The following CIMIP5 variants were observed in gnomAD, a reference collection of about 807,000 sequenced individuals.
CIMIP5 encodes uncharacterized protein C2orf50.
the CIMIP5 span, among the ~76,000 whole-genome samples, chr2:11,137,293 G>A: frequency 1.3e-5 from 2 of 152,198 alleles, no homozygotes; most frequent in East Asian, 3.9e-4. Flanking sequence ...AGAATTGCTT[G>A]AACCCGGCAG....
the CIMIP5 span, chr2:11,144,244 C>G: frequency 1.5e-6 from 1 of 670,528 alleles, no homozygotes; most frequent in East Asian, 3.2e-5. Context: ...GCAGGACACT[C>G]TTCCAGGGGA....
chr2:11,134,288 GA>G, the CIMIP5 span, among the ~76,000 whole-genome samples: 3 of 152,230 alleles, frequency 2.0e-5, no homozygotes, highest in Non-Finnish European at 4.4e-5. Context: ...GCCACAGGAT[GA>G]GGGGGAGCAG....
At chr2:11,135,472 C>T in the CIMIP5 span, among the ~76,000 whole-genome samples, 1 of 152,086 alleles carries the variant, frequency 6.6e-6, no homozygotes, top group East Asian at 1.9e-4. Flanking sequence ...ACACTGTCAC[C>T]CAGGCTGGAG....
At chr2:11,144,326 C>T in the CIMIP5 span, 1 of 365,868 alleles carries the variant, frequency 2.7e-6, no homozygotes, top group Non-Finnish European at 4.9e-6. Context: ...CACGGCCGTA[C>T]AATCCCCAGC....
At chr2:11,142,767 T>A in the CIMIP5 span, among the ~76,000 whole-genome samples, 1 of 146,070 alleles carries the variant, frequency 6.8e-6, no homozygotes, top group South Asian at 2.2e-4. Flanking sequence ...TTGCCCAGGC[T>A]GGAGTGAAGT....
chr2:11,152,739 G>A, the CIMIP5 span, among the ~76,000 whole-genome samples: 1 of 152,054 alleles, frequency 6.6e-6, no homozygotes, highest in African/African-American at 2.4e-5. Flanking sequence ...TGAAGGGACA[G>A]AGGAGCCTCG....
chr2:11,147,481 C>T, the CIMIP5 span, among the ~76,000 whole-genome samples: 1 of 152,168 alleles, frequency 6.6e-6, no homozygotes, highest in Non-Finnish European at 1.5e-5. Flanking sequence ...CAAAACACCC[C>T]CTTCCTTGCT....
the CIMIP5 span, among the ~76,000 whole-genome samples, chr2:11,141,066 T>C: frequency 6.6e-6 from 1 of 151,098 alleles, no homozygotes; most frequent in Non-Finnish European, 1.5e-5. Flanking sequence ...TCCTGTGATC[T>C]AAACCATCTA....
At chr2:11,135,823 G>T in the CIMIP5 span, among the ~76,000 whole-genome samples, 1 of 152,076 alleles carries the variant, frequency 6.6e-6, no homozygotes, top group African/African-American at 2.4e-5. Context: ...GACTACAGGT[G>T]TGAGCCACCG....
At chr2:11,142,813 G>C in the CIMIP5 span, among the ~76,000 whole-genome samples, 1 of 147,406 alleles carries the variant, frequency 6.8e-6, no homozygotes, top group Non-Finnish European at 1.5e-5. Flanking sequence ...TCAACCTCCT[G>C]GGCTCTAGTG....
chr2:11,135,240 C>T, the CIMIP5 span, among the ~76,000 whole-genome samples: 224 of 152,284 alleles, frequency 1.5e-3, no homozygotes, highest in Admixed American at 3.5e-3. Flanking sequence ...CAGGATTATA[C>T]GGTACCTCTA....
the CIMIP5 span, among the ~76,000 whole-genome samples, chr2:11,136,703 G>C: frequency 6.6e-6 from 1 of 152,124 alleles, no homozygotes; most frequent in South Asian, 2.1e-4. Context: ...GCCCAACTCC[G>C]TGAATATATT....
chr2:11,149,251 G>A, the CIMIP5 span, among the ~76,000 whole-genome samples: 1 of 151,150 alleles, frequency 6.6e-6, no homozygotes, highest in South Asian at 2.1e-4. Context: ...AGCTGACACC[G>A]TGCTCCCCTG....
the CIMIP5 span, among the ~76,000 whole-genome samples, chr2:11,150,640 AT>A: frequency 1.1e-4 from 17 of 148,772 alleles, no homozygotes; most frequent in Admixed American, 2.0e-4. Flanking sequence ...TGGTTTAGGA[AT>A]TTTTTTTTTT....
At chr2:11,144,197 C>A in the CIMIP5 span, 1 of 1,210,622 alleles carries the variant, frequency 8.3e-7, no homozygotes. Context: ...GTCAGCTCCC[C>A]ACACAAGGCA....
chr2:11,135,631 A>G, the CIMIP5 span, among the ~76,000 whole-genome samples: 3 of 142,426 alleles, frequency 2.1e-5, no homozygotes, highest in African/African-American at 7.7e-5. Context: ...GGTTTTTACC[A>G]TGTTGGCCAG....
chr2:11,138,065 C>T, the CIMIP5 span, among the ~76,000 whole-genome samples: 6 of 152,156 alleles, frequency 3.9e-5, no homozygotes, highest in Non-Finnish European at 7.4e-5. Context: ...AGGATGGTCT[C>T]GATCTCCTGA....
the CIMIP5 span, chr2:11,140,645 A>G: frequency 1.0e-6 from 1 of 960,748 alleles, no homozygotes; most frequent in East Asian, 2.6e-5. Flanking sequence ...TCTACTCTAC[A>G]CCAGATACTG....
At chr2:11,147,229 G>A in the CIMIP5 span, among the ~76,000 whole-genome samples, 2 of 152,160 alleles carry the variant, frequency 1.3e-5, no homozygotes, top group Admixed American at 6.5e-5. Context: ...ATTCAATCTG[G>A]TCAGGGTCTC....
Sources: gnomAD v4.1 joint callset for allele counts (sites outside exome capture counted in the v4.1 genomes callset) on GRCh38, gnomAD v4.1.1 for gene constraint, MANE v1.5 for transcripts, NCBI Gene and HGNC (gene_info 2026-07-23, HGNC 2026-07-21) for gene names.